Variants in LRRC7 observed in about 807,000 individuals in gnomAD.
The protein encoded by LRRC7 is leucine-rich repeat-containing protein 7.
In LRRC7, 23 loss-of-function variants were observed where a neutral mutation model predicts 175.7. The observed-to-expected ratio is 0.13, with a 90% CI of 0.09 to 0.19. The LOEUF (loss-of-function observed/expected upper bound fraction) is 0.19. LRRC7 is among the 10% of genes least tolerant of loss of function. LRRC7 has a pLI of 1.00. For synonymous variants in LRRC7, 685 were observed against 680.9 expected, an observed-to-expected ratio of 1.01 and a Z score of -0.09; for missense variants, 1,354 against 1,904.7, an observed-to-expected ratio of 0.71 and a Z score of 5.38.
chr1:69,733,635 AT>A (rs1384911235), intron 2 of LRRC7, among the ~76,000 whole-genome samples: 1 of 151,994 alleles, frequency 6.6e-6, no homozygotes, highest in Admixed American at 6.6e-5. Flanking sequence ...TTTCCCCTGA[AT>A]TTTGGTGCTC....
At chr1:69,927,796 CT>C (rs1417764255) in intron 7 of LRRC7, among the ~76,000 whole-genome samples, 1 of 152,160 alleles carries the variant, frequency 6.6e-6, no homozygotes, top group African/African-American at 2.4e-5. Context: ...CTGAAGCCTT[CT>C]TCTCTCAACT....
At chr1:69,824,111 C>T (rs898649760) in intron 4 of LRRC7, among the ~76,000 whole-genome samples, 15 of 152,224 alleles carry the variant, frequency 9.9e-5, no homozygotes, top group African/African-American at 3.4e-4. Context: ...TATTTTAATT[C>T]ACTTCTGCCT....
At chr1:69,579,960 C>T (rs1197718859) in intron 1 of LRRC7, among the ~76,000 whole-genome samples, 1 of 151,904 alleles carries the variant, frequency 6.6e-6, no homozygotes, top group Non-Finnish European at 1.5e-5. Flanking sequence ...TGACCCAGTG[C>T]ACTGCTTGCT....
At chr1:70,116,600 G>A (rs1033406794) in intron 26 of LRRC7, among the ~76,000 whole-genome samples, 21 of 150,030 alleles carry the variant, frequency 1.4e-4, no homozygotes, top group Admixed American at 1.3e-3. Flanking sequence ...GTTCTGCAAA[G>A]GTTTTTTTTA....
chr1:69,816,197 C>T (rs1374748406), intron 4 of LRRC7, among the ~76,000 whole-genome samples: 9 of 151,944 alleles, frequency 5.9e-5, no homozygotes, highest in African/African-American at 1.7e-4. Flanking sequence ...AGGCTAGTCT[C>T]GAACTCCTGA....
At chr1:69,985,346 A>G (rs1260230066) in intron 9 of LRRC7, among the ~76,000 whole-genome samples, 1 of 152,192 alleles carries the variant, frequency 6.6e-6, no homozygotes, top group Non-Finnish European at 1.5e-5. Context: ...TAATCTCCAA[A>G]ATTATAATTT....
chr1:69,761,715 GAGGAACTACTTA>G (rs1671056685), intron 3 of LRRC7, among the ~76,000 whole-genome samples: 1 of 151,928 alleles, frequency 6.6e-6, no homozygotes, highest in South Asian at 2.1e-4. Flanking sequence ...TGTACCAGAT[GAGGAACTACTTA>G]AGGGCAAAGA....
chr1:69,632,487 A>G (rs1318217127), intron 1 of LRRC7, among the ~76,000 whole-genome samples: 2 of 152,154 alleles, frequency 1.3e-5, no homozygotes, highest in African/African-American at 4.8e-5. Flanking sequence ...AATTAGAGAG[A>G]TAAAGCCCAC....
intron 7 of LRRC7, among the ~76,000 whole-genome samples, chr1:69,880,585 TA>T (rs1425557199): frequency 6.6e-6 from 1 of 152,190 alleles, no homozygotes. Context: ...AAGTAGCCTT[TA>T]TGAAAATATC....
chr1:70,010,085 T>C (rs1328263641), intron 11 of LRRC7, among the ~76,000 whole-genome samples: 1 of 152,168 alleles, frequency 6.6e-6, no homozygotes, highest in Non-Finnish European at 1.5e-5. Context: ...ATAAATAAAA[T>C]CTGCTTTGTT....
chr1:69,681,769 A>C (rs1031359326), intron 2 of LRRC7, among the ~76,000 whole-genome samples: 1 of 151,998 alleles, frequency 6.6e-6, no homozygotes, highest in African/African-American at 2.4e-5. Flanking sequence ...CTTGCCTCCC[A>C]CTCACTCCTC....
At chr1:70,004,477 A>C (rs1655820038) in intron 11 of LRRC7, among the ~76,000 whole-genome samples, 1 of 152,196 alleles carries the variant, frequency 6.6e-6, no homozygotes, top group African/African-American at 2.4e-5. Flanking sequence ...AGTGTTTTAC[A>C]TGTACTAATT....
At chr1:70,008,243 C>T (rs1364113849) in intron 11 of LRRC7, among the ~76,000 whole-genome samples, 2 of 152,156 alleles carry the variant, frequency 1.3e-5, no homozygotes, top group African/African-American at 4.8e-5. Context: ...GCTTTACATT[C>T]ACTGGAAGCT....
intron 4 of LRRC7, among the ~76,000 whole-genome samples, chr1:69,796,060 G>A (rs1040263990): frequency 2.0e-5 from 3 of 150,620 alleles, no homozygotes; most frequent in Non-Finnish European, 4.4e-5. Flanking sequence ...TGCTGCACCC[G>A]TTAACTCATC....
chr1:69,645,085 A>AGT (rs1476143848), intron 1 of LRRC7, among the ~76,000 whole-genome samples: 14 of 152,058 alleles, frequency 9.2e-5, no homozygotes, highest in Non-Finnish European at 1.0e-4. Flanking sequence ...TGTAACTTGT[A>AGT]CACTACATTG....
chr1:70,114,855 G>A (rs547799702), intron 26 of LRRC7, among the ~76,000 whole-genome samples: 2 of 152,260 alleles, frequency 1.3e-5, no homozygotes, highest in South Asian at 4.1e-4. Flanking sequence ...AGTAAAACAT[G>A]AAAACCAATA....
intron 2 of LRRC7, among the ~76,000 whole-genome samples, chr1:69,742,994 A>AAAT (rs1157808668): frequency 6.6e-6 from 1 of 152,014 alleles, no homozygotes; most frequent in Non-Finnish European, 1.5e-5. Context: ...TTTAGAACAT[A>AAAT]AGTGTCACCA....
In LRRC7 at chr1:69,663,929, G is replaced by C. The variant is rs377285970; in HGVS notation, c.3-14452G>C. Among the ~76,000 whole-genome samples the C allele has an allele frequency of 1.7e-3, 253 of 150,960 alleles. 10 individuals are homozygous for C. The East Asian group carries it at 0.045, about 27-fold the overall frequency. On this transcript the variant is annotated intron_variant, in intron 1 of 26. Transcript: ENST00000651989. ...GTAGAGACGGGGTTTCACCTTGTTAGCCAGGATGGTCTCGATCTCCTGACC... is the reference window on the plus strand; with the variant it reads ...GTAGAGACGGGGTTTCACCTTGTTACCCAGGATGGTCTCGATCTCCTGACC...
intron 4 of LRRC7, among the ~76,000 whole-genome samples, chr1:69,817,746 T>G (rs1177903215): frequency 1.3e-5 from 2 of 152,146 alleles, no homozygotes; most frequent in Non-Finnish European, 2.9e-5. Context: ...CAACATTAAT[T>G]GTTTCACTCC....
Sources: gnomAD v4.1 joint callset for allele counts (sites outside exome capture counted in the v4.1 genomes callset) on GRCh38, gnomAD v4.1.1 for gene constraint, MANE v1.5 for transcripts, NCBI Gene and HGNC (gene_info 2026-07-23, HGNC 2026-07-21) for gene names.